The following WWOX variants were observed in gnomAD, a reference collection of about 807,000 sequenced individuals.
WWOX encodes WW domain-containing oxidoreductase.
WWOX carries 69 observed loss-of-function variants against 46.2 expected under a neutral mutation model. The observed-to-expected ratio is 1.49, with a 90% CI of 1.23 to 1.82. WWOX has a LOEUF of 1.82. WWOX is among the 40% of genes most tolerant of loss of function. The pLI is 0.00. For synonymous variants in WWOX, 359 were observed against 202.6 expected (o/e 1.77, Z -6.56); for missense variants, 919 against 542.6 (o/e 1.69, Z -6.89).
intron 8 of WWOX, among the ~76,000 whole-genome samples, chr16:78,804,017 G>GC (rs1350280124): frequency 1.3e-5 from 2 of 152,076 alleles, no homozygotes; most frequent in Non-Finnish European, 2.9e-5. Context: ...GATAGAAACA[G>GC]CCCCATCACT....
chr16:78,761,859 A>T (rs1383884935), intron 8 of WWOX, among the ~76,000 whole-genome samples: 1 of 152,160 alleles, frequency 6.6e-6, no homozygotes, highest in African/African-American at 2.4e-5. Context: ...ACTTAAAACT[A>T]ACTAGTTCAT....
intron 8 of WWOX, among the ~76,000 whole-genome samples, chr16:79,151,882 C>G (rs537466958): frequency 4.9e-4 from 74 of 152,108 alleles, no homozygotes; most frequent in Non-Finnish European, 9.1e-4. Context: ...TGGGGACTTG[C>G]CTTTGTTTAT....
At chr16:78,669,350 A>T (rs1219867182) in intron 8 of WWOX, among the ~76,000 whole-genome samples, 2 of 152,190 alleles carry the variant, frequency 1.3e-5, no homozygotes, top group African/African-American at 4.8e-5. Context: ...GGGAGTTTTA[A>T]CTCCAACTTC....
At chr16:78,104,612 T>C (rs1205022158) in intron 1 of WWOX, among the ~76,000 whole-genome samples, 1 of 152,196 alleles carries the variant, frequency 6.6e-6, no homozygotes, top group African/African-American at 2.4e-5. Flanking sequence ...CTCTTAATTA[T>C]CTTTTTAAAT....
At chr16:78,490,483 T>G (rs938994700) in intron 8 of WWOX, among the ~76,000 whole-genome samples, 2 of 152,182 alleles carry the variant, frequency 1.3e-5, no homozygotes, top group Non-Finnish European at 2.9e-5. Context: ...CGCAAATCTA[T>G]TTACGGTTTT....
intron 8 of WWOX, among the ~76,000 whole-genome samples, chr16:78,715,251 C>G (rs184313899): frequency 2.0e-5 from 3 of 152,258 alleles, no homozygotes; most frequent in Admixed American, 6.5e-5. Flanking sequence ...ACACACAGAG[C>G]TTTGTCTTTT....
At chr16:79,142,813 C>G (rs1287789207) in intron 8 of WWOX, among the ~76,000 whole-genome samples, 2 of 152,114 alleles carry the variant, frequency 1.3e-5, no homozygotes, top group Non-Finnish European at 2.9e-5. Flanking sequence ...ATCCTCCTGC[C>G]TCAGTCTCCC....
At chr16:79,001,249 C>T (rs12598330) in intron 8 of WWOX, among the ~76,000 whole-genome samples, 37,699 of 152,038 alleles carry the variant, frequency 0.25, 5,226 homozygotes, top group East Asian at 0.51. Context: ...AGCTTTGCCT[C>T]CTCTCCCAAG....
chr16:78,710,027 G>A (rs1016129421), intron 8 of WWOX, among the ~76,000 whole-genome samples: 4 of 152,008 alleles, frequency 2.6e-5, no homozygotes, highest in African/African-American at 7.2e-5. Flanking sequence ...CACCGCCCCC[G>A]GCCGATAGTT....
chr16:78,631,141 G>A (rs1357117532), intron 8 of WWOX, among the ~76,000 whole-genome samples: 7 of 152,182 alleles, frequency 4.6e-5, no homozygotes, highest in South Asian at 2.1e-4. Context: ...AGGGACTTGA[G>A]CATTTGTGGA....
chr16:78,887,291 C>T lies in WWOX; in HGVS notation c.1057-324317C>T, dbSNP rs187849447. ...ACCAGCAATTCCCCTGTGGATTTCT[C>T]CTGACTCTCTATGCAGCCCAACTCT... On this transcript the variant is annotated intron_variant, in intron 8 of 8. Transcript: ENST00000566780. Among the ~76,000 whole-genome samples the T allele has an allele frequency of 2.6e-4, 39 of 151,356 alleles. No individual in the cohort carries two copies. In the East Asian group the frequency reaches 7.3e-3, roughly 28 times the overall value.
Position 79,211,967 on chromosome 16 carries a change from A to T in WWOX, c.*171A>T. 1 of 1,535,024 alleles carries T rather than the reference A, an allele frequency of 6.5e-7. No homozygotes were observed. The highest frequency in any genetic ancestry group is 8.7e-7 in the Non-Finnish European group (1 of 1,146,762). On this transcript the variant is annotated 3_prime_UTR_variant, in exon 9 of 9. Coordinates refer to ENST00000566780, the MANE Select transcript of WWOX (RefSeq NM_016373.4). ...TCTTAAGTACCAATGGGAAGCAGGG[A>T]ATTCCTGGGGTAAAGTATCACTTTT...
At position 78,344,821 on chromosome 16, in the gene WWOX, C is replaced by T. The variant is rs1049395475; in HGVS notation, c.517-42039C>T. Among the ~76,000 whole-genome samples the T allele has an allele frequency of 1.6e-5, 2 of 121,476 alleles. 1 individual carries two copies. Among genetic ancestry groups the T allele is most frequent in the Admixed American group, 1.6e-4 (2 of 12,528 alleles). 79.7% of individuals were successfully genotyped at this position (121,476 alleles called of 152,430 possible). A position where few individuals can be genotyped will look rare whatever the true frequency, so the allele number is the denominator to read the frequency against. On this transcript the variant is annotated intron_variant, in intron 5 of 8. Transcript: ENST00000566780. The stretch of plus-strand genomic sequence containing the variant: ...TTAAAATAGAGAAAAGTGCATCAAG[C>T]TCTTGTTAATCTGTCAGGCCTTCCT...
At chr16:78,385,132 T>TG (rs2082033668) in intron 5 of WWOX, among the ~76,000 whole-genome samples, 1 of 21,060 alleles carries the variant, frequency 4.7e-5, no homozygotes, top group Non-Finnish European at 9.8e-5. Flanking sequence ...AGACTCCATC[T>TG]AAACACACAC....
At chr16:78,595,481 TACTC>T (rs1161831498) in intron 8 of WWOX, among the ~76,000 whole-genome samples, 1 of 152,188 alleles carries the variant, frequency 6.6e-6, no homozygotes, top group Non-Finnish European at 1.5e-5. Flanking sequence ...GCAACTAACA[TACTC>T]ACTCATGACT....
intron 8 of WWOX, among the ~76,000 whole-genome samples, chr16:78,483,468 G>C (rs1309567759): frequency 6.7e-6 from 1 of 149,350 alleles, no homozygotes; most frequent in Non-Finnish European, 1.5e-5. Flanking sequence ...TTTAGCAAAG[G>C]AAGTAAGTGA....
At chr16:79,061,027 G>T (rs1167833330) in intron 8 of WWOX, among the ~76,000 whole-genome samples, 6 of 152,240 alleles carry the variant, frequency 3.9e-5, no homozygotes, top group Admixed American at 1.3e-4. Flanking sequence ...ATTCAGACTG[G>T]AATTCAGACT....
Position 79,116,592 on chromosome 16 carries a change from T to A in WWOX, c.1057-95016T>A, listed in dbSNP as rs190157229. On this transcript the variant is annotated intron_variant, in intron 8 of 8. Transcript: ENST00000566780. ...ATGAGATTGCAGCAATTTAGTCACA[T>A]CATCAGGCTCTACTTCTAACTCGAG... Among the ~76,000 whole-genome samples, 137 of 152,304 alleles carry A rather than the reference T, an allele frequency of 9.0e-4. 1 individual carries two copies. In the Middle Eastern group the frequency reaches 0.024, roughly 26 times the overall value.
At chr16:78,387,336 G>A (rs893874914) in intron 6 of WWOX, among the ~76,000 whole-genome samples, 4 of 152,152 alleles carry the variant, frequency 2.6e-5, no homozygotes, top group Non-Finnish European at 5.9e-5. Context: ...AGTATGGCAG[G>A]GAGGTTGACA....
Sources: gnomAD v4.1 joint callset for allele counts (sites outside exome capture counted in the v4.1 genomes callset) on GRCh38, gnomAD v4.1.1 for gene constraint, MANE v1.5 for transcripts, NCBI Gene and HGNC (gene_info 2026-07-23, HGNC 2026-07-21) for gene names.